CFAP52: variants seen among roughly 807,000 people sequenced by gnomAD.
CFAP52 encodes the protein cilia- and flagella-associated protein 52.
In CFAP52, 57 loss-of-function variants were observed where a neutral mutation model predicts 70.5. That is an observed-to-expected ratio of 0.81 (90% CI 0.65 to 1.01). The LOEUF (loss-of-function observed/expected upper bound fraction) is 1.01, where lower values mean the gene tolerates loss of function less well. Ranked by LOEUF, CFAP52 falls within the 50% of genes least tolerant of loss-of-function variation. The pLI is 0.00. For missense variants in CFAP52, 785 were observed against 788.5 expected (o/e 1.00, Z 0.05); for synonymous variants, 267 against 292.5 (o/e 0.91, Z 0.89).
intron 10 of CFAP52, 109 bp from the exon 11 acceptor site, chr17:9,635,296 A>T (rs541386196): frequency 2.0e-6 from 3 of 1,469,980 alleles, no homozygotes; most frequent in South Asian, 2.6e-5. Context: ...ACAGGGAATT[A>T]AAAAAACACA....
intron 11 of CFAP52, among the ~76,000 whole-genome samples, chr17:9,638,086 C>T (rs1191477177): frequency 2.0e-5 from 3 of 152,212 alleles, no homozygotes; most frequent in African/African-American, 4.8e-5. Flanking sequence ...TGATATGGTA[C>T]GTCCAAACCT....
chr17:9,605,849 A>C (rs1479798040), intron 6 of CFAP52, among the ~76,000 whole-genome samples: 1 of 152,148 alleles, frequency 6.6e-6, no homozygotes, highest in African/African-American at 2.4e-5. Flanking sequence ...TAATTTGTCC[A>C]AACCCAGAGA....
Position 9,635,258 on chromosome 17 carries a change from A to G in CFAP52, c.1321-147A>G, listed in dbSNP as rs73975760. 3.6e-3 allele frequency: 3,916 copies of G among 1,092,284 alleles called. 118 individuals carry two copies. The African/African-American group carries it at 0.055, about 15-fold the overall frequency. 67.7% of individuals were successfully genotyped at this position (1,092,284 alleles called of 1,614,324 possible). A position where few individuals can be genotyped will look rare whatever the true frequency, so the allele number is the denominator to read the frequency against. ...GAATATGCCTGCCCTTCAACTTAGCATTCACACCCCACCCAACCGAGACAA... is the reference window on the plus strand; with the variant it reads ...GAATATGCCTGCCCTTCAACTTAGCGTTCACACCCCACCCAACCGAGACAA... On this transcript the variant is annotated intron_variant, in intron 10 of 13. Coordinates refer to ENST00000352665, the MANE Select transcript of CFAP52 (RefSeq NM_145054.5).
At chr17:9,622,663 T>TA (rs138128293) in intron 8 of CFAP52, among the ~76,000 whole-genome samples, 5,400 of 152,220 alleles carry the variant, frequency 0.035, 285 homozygotes, top group African/African-American at 0.11. Flanking sequence ...CAGACTTGAA[T>TA]ACAGTTTGGT....
intron 3 of CFAP52, among the ~76,000 whole-genome samples, chr17:9,591,325 G>A (rs545538924): frequency 7.4e-4 from 112 of 152,148 alleles, no homozygotes; most frequent in Middle Eastern, 3.4e-3. Flanking sequence ...GGCTTGAGTC[G>A]CCGCTCCCGG....
At chr17:9,586,593 A>G (rs1270734024) in intron 2 of CFAP52, 105 bp from the exon 3 acceptor site, 1 of 1,400,532 alleles carries the variant, frequency 7.1e-7, no homozygotes, top group African/African-American at 1.5e-5. Flanking sequence ...AAAGAAAGAA[A>G]AAAGAAAAGT....
intron 1 of CFAP52, among the ~76,000 whole-genome samples, chr17:9,584,655 C>T (rs1399439831): frequency 6.6e-6 from 1 of 151,822 alleles, no homozygotes; most frequent in African/African-American, 2.4e-5. Flanking sequence ...GAATTTTGCT[C>T]TTGTCAACCA....
In CFAP52 at chr17:9,580,318, T is replaced by TAAA. The variant is rs11386649; in HGVS notation, c.70+3568_70+3570dup. On this transcript the variant is annotated intron_variant, in intron 1 of 13. Transcript: ENST00000352665. ...AAATATTTACTCTCTGGACCTTTCT[T>TAAA]AAAAAAAAAAAAAAAAAGCCAGACC... 6.8e-4 allele frequency among the ~76,000 whole-genome samples: 92 copies of TAAA among 134,736 alleles called. 2 individuals are homozygous for TAAA. Among genetic ancestry groups the TAAA allele is most frequent in the South Asian group, 1.9e-3 (8 of 4,204 alleles). The allele number at this position is 134,736 out of a possible 152,430, so 88.4% of individuals were successfully genotyped here.
At chr17:9,594,152 T>C in intron 3 of CFAP52, 41 bp from the exon 4 acceptor site, 1 of 1,540,688 alleles carries the variant, frequency 6.5e-7, no homozygotes, top group South Asian at 1.2e-5. Context: ...AAGCCTGTTT[T>C]CTCTTTGACT....
Position 9,608,182 on chromosome 17 carries a change from C to A in CFAP52, c.817C>A (p.Leu273Met). ...GLLVGSGAGL[L>M]VFCKSPGYKP... ...GTTGGTGGGCTCTGGAGCCGGACTG[C>A]TGGTCTTCTGTAAAAGCCCTGGCTA... is the stretch of plus-strand genomic sequence containing the variant. Residue 273 changes from leucine to methionine, a missense_variant, in exon 7 of 14, where the codon CTG (leucine) becomes ATG (methionine). Transcript: ENST00000352665. 6.2e-7 allele frequency: 1 copy of A among 1,612,304 alleles called. No individual in the cohort carries two copies. Among genetic ancestry groups the A allele is most frequent in the Non-Finnish European group, 8.5e-7 (1 of 1,178,946 alleles).
intron 8 of CFAP52, among the ~76,000 whole-genome samples, chr17:9,623,711 G>T (rs1387228591): frequency 1.3e-5 from 2 of 151,562 alleles, no homozygotes; most frequent in African/African-American, 4.9e-5. Context: ...TAAGAGACAG[G>T]GTTTCACTCT....
In CFAP52 at chr17:9,628,674, G is replaced by A. The variant is rs374648753; in HGVS notation, c.1028G>A (p.Gly343Asp). 3 of 1,612,924 alleles carry A rather than the reference G, an allele frequency of 1.9e-6. No individual in the cohort carries two copies. The African/African-American group carries it at 4.0e-5, about 22-fold the overall frequency. The change falls in exon 9 of 14, where the codon GGC (glycine) becomes GAC (aspartate). Residue 343 changes from glycine (G) to aspartate (D), a missense_variant and splice_region_variant. By Grantham distance (94) the Gly-to-Asp change is moderately conservative (BLOSUM62 -1). Coordinates refer to ENST00000352665, the MANE Select transcript of CFAP52 (RefSeq NM_145054.5). ...DAVEDIVFPFGTAELFATCAK... is the reference protein window; with the variant it reads ...DAVEDIVFPFDTAELFATCAK... ...ATCTCTTGATGGCTTCCTTGCAGTG[G>A]CACTGCTGAGCTATTTGCAACCTGT...
chr17:9,632,267 A>G (rs115633434), intron 9 of CFAP52, among the ~76,000 whole-genome samples: 2,344 of 135,704 alleles, frequency 0.017, 77 homozygotes, highest in African/African-American at 0.062. Flanking sequence ...TTTTTTTTTC[A>G]TATTTTTTGT....
At chr17:9,584,708 G>A (rs1008096882) in intron 1 of CFAP52, among the ~76,000 whole-genome samples, 6 of 149,150 alleles carry the variant, frequency 4.0e-5, no homozygotes, top group South Asian at 2.1e-4. Context: ...TGCAACCTCC[G>A]CCTCGTGGGT....
chr17:9,584,145 T>G, intron 1 of CFAP52: 1 of 1,180,740 alleles, frequency 8.5e-7, no homozygotes, highest in Non-Finnish European at 1.1e-6. Context: ...ATTCCCAGAG[T>G]TGTTGGTCAT....
At position 9,641,844 on chromosome 17, in the gene CFAP52, T is replaced by C. The variant is rs368658792; in HGVS notation, c.1687+9T>C. On this transcript the variant is annotated intron_variant, in intron 13 of 13. Coordinates refer to ENST00000352665, the MANE Select transcript of CFAP52 (RefSeq NM_145054.5). ...GGTGCACTTTGTCACAGGTTAGTCC[T>C]GGGATAGGAAAAAGCCAAGCCTGGC... 6.8e-6 allele frequency: 11 copies of C among 1,611,078 alleles called. No individual in the cohort carries two copies. The East Asian group carries it at 8.9e-5, about 13-fold the overall frequency.
At position 9,612,301 on chromosome 17, in the gene CFAP52, C is replaced by T. The variant is rs569400249; in HGVS notation, c.855-8C>T. The T allele has an allele frequency of 1.2e-6, 2 of 1,613,460 alleles. No homozygotes were observed. The highest frequency in any genetic ancestry group is 8.5e-7 in the Non-Finnish European group (1 of 1,179,646). Reference sequence around the variant, plus strand: ...GAATCTACTTTACTTTTGTGCTTCTCCCTAAAGGAAGATTCAGTTACAAGG... The same window carrying T: ...GAATCTACTTTACTTTTGTGCTTCTTCCTAAAGGAAGATTCAGTTACAAGG... On this transcript the variant is annotated splice_region_variant and splice_polypyrimidine_tract_variant and intron_variant, in intron 7 of 13. Coordinates refer to ENST00000352665, the MANE Select transcript of CFAP52 (RefSeq NM_145054.5).
At chr17:9,635,925 C>T (rs967780284) in intron 11 of CFAP52, among the ~76,000 whole-genome samples, 3 of 152,202 alleles carry the variant, frequency 2.0e-5, no homozygotes, top group South Asian at 2.1e-4. Context: ...GTAATCCCAG[C>T]ACTTTGGGAG....
intron 6 of CFAP52, among the ~76,000 whole-genome samples, chr17:9,607,219 GC>G (rs1909524967): frequency 6.6e-6 from 1 of 152,156 alleles, no homozygotes; most frequent in Admixed American, 6.6e-5. Flanking sequence ...GATGGCGCAT[GC>G]CTATAATCCC....
Sources: gnomAD v4.1 joint callset for allele counts (sites outside exome capture counted in the v4.1 genomes callset) on GRCh38, gnomAD v4.1.1 for gene constraint, MANE v1.5 for transcripts, NCBI Gene and HGNC (gene_info 2026-07-23, HGNC 2026-07-21) for gene names.